Variants in CCDC171 observed in about 807,000 individuals in gnomAD.
The protein encoded by CCDC171 is coiled-coil domain containing 171.
CCDC171 carries 177 observed loss-of-function variants against 168.2 expected under a neutral mutation model. The observed-to-expected ratio is 1.05, with a 90% CI of 0.93 to 1.19. CCDC171 has a LOEUF of 1.19. CCDC171 is among the 50% of genes most tolerant of loss of function. CCDC171 has a pLI of 0.00. For synonymous variants in CCDC171, 687 were observed against 540.8 expected (o/e 1.27, Z -3.75); for missense variants, 1,991 against 1,539.0 (o/e 1.29, Z -4.91).
At chr9:15,863,568 T>A (rs2061650281) in intron 23 of CCDC171, among the ~76,000 whole-genome samples, 1 of 152,064 alleles carries the variant, frequency 6.6e-6, no homozygotes, top group Non-Finnish European at 1.5e-5. Flanking sequence ...AATTTATATT[T>A]TGCTTCTTTT....
rs889447494 is a variant in CCDC171, at chr9:15,673,095, G to A, written c.1077-5663G>A. The stretch of plus-strand genomic sequence containing the variant: ...CATCCCTTGTAAGTTGTATTCCTAG[G>A]TATTTGATTCTCTTTGTAGCAATTA... On this transcript the variant is annotated intron_variant, in intron 9 of 25. Coordinates refer to ENST00000380701, the MANE Select transcript of CCDC171 (RefSeq NM_173550.4). 4.6e-5 allele frequency among the ~76,000 whole-genome samples: 7 copies of A among 152,022 alleles called. No individual in the cohort carries two copies. The East Asian group carries it at 1.2e-3, about 25-fold the overall frequency.
At chr9:15,838,483 C>T (rs1032857036) in intron 21 of CCDC171, among the ~76,000 whole-genome samples, 2 of 152,174 alleles carry the variant, frequency 1.3e-5, no homozygotes, top group Admixed American at 1.3e-4. Flanking sequence ...TTCCCATGGC[C>T]TTCTATTACA....
At chr9:15,842,510 A>T (rs755414729) in intron 21 of CCDC171, among the ~76,000 whole-genome samples, 1 of 152,056 alleles carries the variant, frequency 6.6e-6, no homozygotes, top group African/African-American at 2.4e-5. Flanking sequence ...TGTATATCTT[A>T]TGCAGTTTTC....
At chr9:15,700,526 G>C (rs898626909) in intron 11 of CCDC171, among the ~76,000 whole-genome samples, 1 of 152,252 alleles carries the variant, frequency 6.6e-6, no homozygotes, top group Non-Finnish European at 1.5e-5. Context: ...CTTAAGTGCC[G>C]CCAAGGTTCG....
At chr9:16,084,141 C>G in the CCDC171 span, among the ~76,000 whole-genome samples, 14 of 152,156 alleles carry the variant, frequency 9.2e-5, no homozygotes, top group Non-Finnish European at 1.8e-4. Context: ...ATCTGTAAAG[C>G]AGAATACTTA....
chr9:15,574,387 C>T (rs1007176527), intron 3 of CCDC171, among the ~76,000 whole-genome samples: 2 of 152,074 alleles, frequency 1.3e-5, no homozygotes, highest in Admixed American at 1.3e-4. Context: ...TTGTGATCCA[C>T]CCGCCTTGGC....
Position 15,729,802 on chromosome 9 carries a change from T to TA in CCDC171, c.2049+4_2049+5insA, listed in dbSNP as rs745592983. ...GGAGGTGCAGAAGAGGGCACAGGTA[T>TA]GCTACCTTTACAAAGAGCTTTAAAA... On this transcript the variant is annotated splice_donor_region_variant and intron_variant, in intron 16 of 25. Coordinates refer to ENST00000380701, the MANE Select transcript of CCDC171 (RefSeq NM_173550.4). 2.5e-6 allele frequency: 4 copies of TA among 1,595,260 alleles called. No individual in the cohort carries two copies. The South Asian group carries it at 3.4e-5, about 14-fold the overall frequency.
chr9:15,554,090 G>A (rs2132348733), intron 1 of CCDC171, among the ~76,000 whole-genome samples: 1 of 151,718 alleles, frequency 6.6e-6, no homozygotes, highest in East Asian at 1.9e-4. Flanking sequence ...CGCGATCTCG[G>A]CTCACTGCAA....
chr9:15,590,049 G>A (rs552612059), intron 4 of CCDC171, among the ~76,000 whole-genome samples: 4 of 152,228 alleles, frequency 2.6e-5, no homozygotes, highest in Admixed American at 1.3e-4. Flanking sequence ...TGAAATTTCA[G>A]AAAAATAAAG....
chr9:16,087,760 T>G, the CCDC171 span, among the ~76,000 whole-genome samples: 2 of 152,066 alleles, frequency 1.3e-5, no homozygotes, highest in Admixed American at 6.5e-5. Context: ...AGGTTAATAT[T>G]GTTATGTATG....
intron 7 of CCDC171, among the ~76,000 whole-genome samples, chr9:15,624,232 T>C (rs1048533143): frequency 6.6e-6 from 1 of 152,240 alleles, no homozygotes; most frequent in East Asian, 1.9e-4. Context: ...AATAGTAAAA[T>C]CAACTTTGAA....
intron 3 of CCDC171, among the ~76,000 whole-genome samples, chr9:16,000,728 C>CTTT: frequency 6.7e-6 from 1 of 148,332 alleles, no homozygotes; most frequent in South Asian, 2.1e-4. Context: ...TAAGAAGAGA[C>CTTT]TTTTTTTTTT....
chr9:15,764,457 C>T (rs1188334193), intron 18 of CCDC171, among the ~76,000 whole-genome samples: 1 of 152,018 alleles, frequency 6.6e-6, no homozygotes, highest in African/African-American at 2.4e-5. Flanking sequence ...GAAGATAGAG[C>T]TGATAGGGTT....
At chr9:15,830,474 C>G (rs2060184066) in intron 21 of CCDC171, among the ~76,000 whole-genome samples, 1 of 152,114 alleles carries the variant, frequency 6.6e-6, no homozygotes, top group Non-Finnish European at 1.5e-5. Flanking sequence ...CCTAAACAAA[C>G]AAAACCCTAT....
the CCDC171 span, among the ~76,000 whole-genome samples, chr9:16,077,006 A>C: frequency 5.9e-5 from 9 of 152,040 alleles, no homozygotes; most frequent in Admixed American, 3.9e-4. Context: ...CTTTCCTCTT[A>C]TGATATTTTG....
chr9:16,104,331 G>C, the CCDC171 span, among the ~76,000 whole-genome samples: 1 of 151,522 alleles, frequency 6.6e-6, no homozygotes, highest in Admixed American at 6.6e-5. Flanking sequence ...TTTTCTCTTA[G>C]GTCTCCAAAG....
At chr9:15,775,170 A>G (rs2057250638) in intron 18 of CCDC171, among the ~76,000 whole-genome samples, 1 of 152,216 alleles carries the variant, frequency 6.6e-6, no homozygotes, top group African/African-American at 2.4e-5. Context: ...TTATTATAGC[A>G]TACATTATTT....
rs2059782488 is a variant in CCDC171, at chr9:15,821,786, C to A, written c.3268-24916C>A. 1.7e-5 allele frequency among the ~76,000 whole-genome samples: 2 copies of A among 116,082 alleles called. 1 individual carries two copies. Among genetic ancestry groups the A allele is most frequent in the African/African-American group, 6.5e-5 (2 of 30,628 alleles). 76.2% of individuals were successfully genotyped at this position (116,082 alleles called of 152,430 possible). A position where few individuals can be genotyped will look rare whatever the true frequency, so the allele number is the denominator to read the frequency against. ...AGGTAATTTATACATTCAATGCCAT[C>A]CCCATCAAGCTACCAATGACTTTCT... On this transcript the variant is annotated intron_variant, in intron 21 of 25. Coordinates refer to ENST00000380701, the MANE Select transcript of CCDC171 (RefSeq NM_173550.4).
chr9:15,837,342 A>G (rs1021732063), intron 21 of CCDC171, among the ~76,000 whole-genome samples: 7 of 152,228 alleles, frequency 4.6e-5, no homozygotes, highest in Admixed American at 4.6e-4. Context: ...TTGGTTACAG[A>G]GGGATCAGAA....
Sources: gnomAD v4.1 joint callset for allele counts (sites outside exome capture counted in the v4.1 genomes callset) on GRCh38, gnomAD v4.1.1 for gene constraint, MANE v1.5 for transcripts, NCBI Gene and HGNC (gene_info 2026-07-23, HGNC 2026-07-21) for gene names.